NRXN3: variants seen among roughly 807,000 people sequenced by gnomAD.
NRXN3 encodes neurexin 3.
NRXN3 carries 32 observed loss-of-function variants against 137.6 expected under a neutral mutation model. That is an observed-to-expected ratio of 0.23 (90% CI 0.18 to 0.31). The LOEUF (loss-of-function observed/expected upper bound fraction) is 0.31. Ranked by LOEUF, NRXN3 falls within the 10% of genes least tolerant of loss-of-function variation. The probability of loss-of-function intolerance (pLI) is 1.00; values close to 1 mark genes in which losing one functional copy is unlikely to be tolerated. For synonymous variants in NRXN3, 798 were observed against 784.5 expected (o/e 1.02, Z -0.29); for missense variants, 1,574 against 2,062.5 (o/e 0.76, Z 4.59).
intron 4 of NRXN3, 59 bp from the exon 5 acceptor site, chr14:78,645,061 C>T (rs1014634195): frequency 7.7e-6 from 11 of 1,430,392 alleles, no homozygotes; most frequent in Non-Finnish European, 1.0e-5. Context: ...TTGGTATTTG[C>T]ATAGGTCTGA....
chr14:79,824,745 T>C (rs943780792), intron 20 of NRXN3, among the ~76,000 whole-genome samples: 1 of 152,248 alleles, frequency 6.6e-6, no homozygotes. Context: ...ATTTCTATTT[T>C]GTTTTCTGAG....
chr14:79,604,843 C>A (rs139502972), intron 16 of NRXN3, among the ~76,000 whole-genome samples: 3,264 of 151,842 alleles, frequency 0.021, 44 homozygotes, highest in Non-Finnish European at 0.032. Context: ...ACCAGCCTGG[C>A]CAACATGGTG....
intron 4 of NRXN3, among the ~76,000 whole-genome samples, chr14:78,446,443 C>A (rs769576342): frequency 6.6e-6 from 1 of 151,880 alleles, no homozygotes; most frequent in Non-Finnish European, 1.5e-5. Context: ...CATCATTTCC[C>A]GGATGCTTTC....
At chr14:79,567,519 C>A (rs1193043391) in intron 16 of NRXN3, among the ~76,000 whole-genome samples, 1 of 151,994 alleles carries the variant, frequency 6.6e-6, no homozygotes, top group Non-Finnish European at 1.5e-5. Context: ...TTGCTAATTA[C>A]AATCTGTCTA....
In NRXN3 at chr14:79,230,887, G is replaced by GA. The variant is rs200903312; in HGVS notation, c.3263-236325dup. ...CTTTTACTCATCTGTAAAATGGGGA[G>GA]AAAAAAAAACTGTCCTGCCTTTTAC... On this transcript the variant is annotated intron_variant, in intron 15 of 20. Coordinates refer to ENST00000335750, the MANE Select transcript of NRXN3 (RefSeq NM_001330195.2). Among the ~76,000 whole-genome samples, 141 of 150,846 alleles carry GA rather than the reference G, an allele frequency of 9.3e-4. 1 individual carries two copies. Among genetic ancestry groups the GA allele is most frequent in the African/African-American group, 3.1e-3 (128 of 41,158 alleles).
intron 15 of NRXN3, among the ~76,000 whole-genome samples, chr14:79,126,918 T>A (rs369553358): frequency 6.2e-4 from 94 of 152,290 alleles, no homozygotes; most frequent in African/African-American, 1.7e-3. Flanking sequence ...CATTTCTCTG[T>A]TGGCCAGTGA....
At chr14:78,183,252 C>T (rs1271436428) in intron 1 of NRXN3, among the ~76,000 whole-genome samples, 1 of 152,150 alleles carries the variant, frequency 6.6e-6, no homozygotes, top group African/African-American at 2.4e-5. Context: ...TCAGGTAATA[C>T]CCTCCATTGC....
At chr14:78,866,323 G>A (rs2099086631) in intron 10 of NRXN3, among the ~76,000 whole-genome samples, 1 of 152,140 alleles carries the variant, frequency 6.6e-6, no homozygotes, top group Admixed American at 6.5e-5. Context: ...TTAGAATAGT[G>A]ATGGCTATAA....
intron 15 of NRXN3, among the ~76,000 whole-genome samples, chr14:79,264,557 T>C (rs7142672): frequency 0.011 from 1,400 of 122,920 alleles, 25 homozygotes; most frequent in South Asian, 0.098. Context: ...TGTGTGTGTG[T>C]GCGCGCGTGC....
rs1344246121 is a variant in NRXN3, at chr14:79,866,792, G to A, written c.*4828G>A. 1 of 152,132 alleles carries A rather than the reference G, an allele frequency of 6.6e-6. No homozygotes were observed. Among genetic ancestry groups the A allele is most frequent in the Non-Finnish European group, 1.5e-5 (1 of 68,050 alleles). The allele number at this position is 152,132 out of a possible 1,614,324, so 9.4% of individuals were successfully genotyped here. On this transcript the variant is annotated 3_prime_UTR_variant, in exon 21 of 21. Coordinates refer to ENST00000335750, the MANE Select transcript of NRXN3 (RefSeq NM_001330195.2). ...GAAAAAGGCATAAGTCAATCTTCTT[G>A]GAGAGAATGGGATCAGAAACTGACA... is the stretch of plus-strand genomic sequence containing the variant.
At chr14:78,310,682 A>G (rs936522778) in intron 4 of NRXN3, among the ~76,000 whole-genome samples, 1 of 152,128 alleles carries the variant, frequency 6.6e-6, no homozygotes, top group Non-Finnish European at 1.5e-5. Flanking sequence ...GGTCAGCATT[A>G]TGGAACAAAT....
chr14:79,439,080 G>A (rs925575594), intron 15 of NRXN3, among the ~76,000 whole-genome samples: 1 of 152,216 alleles, frequency 6.6e-6, no homozygotes, highest in Non-Finnish European at 1.5e-5. Context: ...GGCTCCTTTT[G>A]TGAAACCTCA....
chr14:79,223,874 C>T (rs553065743), intron 15 of NRXN3, among the ~76,000 whole-genome samples: 9 of 151,920 alleles, frequency 5.9e-5, no homozygotes, highest in East Asian at 5.8e-4. Flanking sequence ...TTTTTTTAAG[C>T]GACTATATTT....
At chr14:78,173,262 C>T (rs779540440) in intron 1 of NRXN3, among the ~76,000 whole-genome samples, 21 of 151,362 alleles carry the variant, frequency 1.4e-4, no homozygotes, top group Admixed American at 5.3e-4. Context: ...AATCCATTAT[C>T]TATAAAAACA....
At chr14:78,519,998 GA>G (rs1159216711) in intron 4 of NRXN3, among the ~76,000 whole-genome samples, 5 of 152,196 alleles carry the variant, frequency 3.3e-5, no homozygotes, top group African/African-American at 1.2e-4. Context: ...TGGGATTCAA[GA>G]ATAGCAAGGC....
At chr14:78,445,565 T>TC (rs1473357288) in intron 4 of NRXN3, among the ~76,000 whole-genome samples, 1 of 152,120 alleles carries the variant, frequency 6.6e-6, no homozygotes, top group Admixed American at 6.5e-5. Context: ...ATTAGGCCCC[T>TC]CCCCATGTTC....
intron 1 of NRXN3, among the ~76,000 whole-genome samples, chr14:78,185,428 A>T (rs984445337): frequency 1.3e-5 from 2 of 152,214 alleles, no homozygotes; most frequent in African/African-American, 4.8e-5. Flanking sequence ...TACACAGGGG[A>T]TCAAAATTTC....
intron 15 of NRXN3, among the ~76,000 whole-genome samples, chr14:79,134,355 C>T (rs139619759): frequency 2.0e-5 from 3 of 152,130 alleles, no homozygotes; most frequent in Admixed American, 6.5e-5. Context: ...ATATGATTCT[C>T]AATTAGGAAA....
intron 15 of NRXN3, among the ~76,000 whole-genome samples, chr14:79,145,493 T>C (rs1411732737): frequency 6.6e-6 from 1 of 152,142 alleles, no homozygotes; most frequent in African/African-American, 2.4e-5. Flanking sequence ...TGGGATCCTA[T>C]GAAGTACTGT....
Sources: allele counts gnomAD v4.1 joint callset (sites outside exome capture counted in the v4.1 genomes callset), GRCh38; gene constraint gnomAD v4.1.1; transcripts MANE v1.5; gene names NCBI Gene and HGNC (gene_info 2026-07-23, HGNC 2026-07-21).